Variants in MICU1 observed in about 807,000 individuals in gnomAD.
MICU1 encodes mitochondrial calcium uptake 1.
MICU1 carries 45 observed loss-of-function variants against 56.8 expected under a neutral mutation model. The ratio of observed to expected loss-of-function variants is 0.79; its 90% CI spans 0.62 to 1.02. MICU1 has a LOEUF of 1.02. MICU1 is among the 50% of genes least tolerant of loss of function. MICU1 has a pLI of 0.00. For synonymous variants in MICU1, 186 were observed against 195.1 expected (o/e 0.95, Z 0.39); for missense variants, 504 against 587.1 (o/e 0.86, Z 1.46).
intron 10 of MICU1, among the ~76,000 whole-genome samples, chr10:72,377,649 T>C (rs1056639071): frequency 4.6e-5 from 7 of 152,142 alleles, no homozygotes; most frequent in Non-Finnish European, 7.4e-5. Flanking sequence ...GCTACACCTA[T>C]AAATCATGTT....
intron 4 of MICU1, among the ~76,000 whole-genome samples, chr10:72,550,344 A>C (rs1443006619): frequency 6.6e-6 from 1 of 152,252 alleles, no homozygotes; most frequent in Non-Finnish European, 1.5e-5. Flanking sequence ...GCTATACTAT[A>C]TAGTCTAGAT....
rs377234560 is a variant in MICU1, at chr10:72,551,304, G to A, written c.368C>T (p.Thr123Met). 6.2e-6 allele frequency: 10 copies of A among 1,612,838 alleles called. No homozygotes were observed. The African/African-American group carries it at 6.7e-5, about 11-fold the overall frequency. ...AAAATATCGGAAGATTTTGTCTGGC[G>A]TGGAGTAGGCTCGAATCCTATTCTC... ...EYENRIRAYS[T>M]PDKIFRYFAT... The change falls in exon 4 of 12, where the codon ACG (threonine) becomes ATG (methionine). Residue 123 changes from threonine to methionine, a missense_variant. Transcript: ENST00000361114.
chr10:72,597,425 C>CG (rs1841409956), intron 1 of MICU1, among the ~76,000 whole-genome samples: 1 of 152,116 alleles, frequency 6.6e-6, no homozygotes, highest in African/African-American at 2.4e-5. Flanking sequence ...AGACTTAAGA[C>CG]ATTCTTGGGC....
intron 1 of MICU1, among the ~76,000 whole-genome samples, chr10:72,581,731 C>T (rs1449280258): frequency 1.3e-5 from 2 of 152,130 alleles, no homozygotes; most frequent in Non-Finnish European, 2.9e-5. Context: ...CTACTACCAG[C>T]CACCCATTGA....
Position 72,619,536 on chromosome 10 carries a change from G to A in MICU1, c.-2+6474C>T, listed in dbSNP as rs114862286. ...TCTGAGCTTACATATTTGTGACAAA[G>A]ACTCTGTTATGTACTCAGGATATGA... On this transcript the variant is annotated intron_variant, in intron 1 of 11. Coordinates refer to ENST00000361114, the MANE Select transcript of MICU1 (RefSeq NM_001195518.2). Among the ~76,000 whole-genome samples, 667 of 152,224 alleles carry A rather than the reference G, an allele frequency of 4.4e-3. 4 individuals are homozygous for A. Among genetic ancestry groups the A allele is most frequent in the African/African-American group, 0.015 (633 of 41,540 alleles).
At chr10:72,413,454 C>T (rs896889957) in intron 9 of MICU1, among the ~76,000 whole-genome samples, 11 of 151,872 alleles carry the variant, frequency 7.2e-5, no homozygotes, top group African/African-American at 1.2e-4. Context: ...GAATCCAGGT[C>T]GGGCGCAGTG....
chr10:72,512,060 A>ACAAGTT (rs1320517143), intron 5 of MICU1, among the ~76,000 whole-genome samples: 2 of 149,180 alleles, frequency 1.3e-5, no homozygotes, highest in East Asian at 4.0e-4. Flanking sequence ...AATGAAGTCC[A>ACAAGTT]CAAGTTCATC....
At chr10:72,584,558 C>CTTT (rs61492943) in intron 1 of MICU1, among the ~76,000 whole-genome samples, 16 of 149,204 alleles carry the variant, frequency 1.1e-4, no homozygotes, top group African/African-American at 3.7e-4. Context: ...TTAATACATA[C>CTTT]TTTTTTTTTT....
At chr10:72,463,355 G>A (rs1410867039) in intron 8 of MICU1, among the ~76,000 whole-genome samples, 2 of 152,146 alleles carry the variant, frequency 1.3e-5, no homozygotes, top group Non-Finnish European at 2.9e-5. Flanking sequence ...GAGCCATGGC[G>A]CCCGGCCGCA....
chr10:72,434,492 T>C (rs561411753), intron 8 of MICU1, among the ~76,000 whole-genome samples: 1 of 152,268 alleles, frequency 6.6e-6, no homozygotes, highest in Non-Finnish European at 1.5e-5. Context: ...GAAGATCTTA[T>C]ATCCAATTTC....
At chr10:72,560,511 T>C (rs1840269868) in intron 3 of MICU1, 1 of 152,128 alleles carries the variant, frequency 6.6e-6, no homozygotes, top group Non-Finnish European at 1.5e-5. Flanking sequence ...TTTTAAGAGG[T>C]GCAATCTCTG....
At chr10:72,577,369 C>T (rs940898731) in intron 1 of MICU1, among the ~76,000 whole-genome samples, 1 of 151,954 alleles carries the variant, frequency 6.6e-6, no homozygotes, top group Non-Finnish European at 1.5e-5. Flanking sequence ...ATTAGCCAGG[C>T]ATGGTGGCAC....
chr10:72,457,149 G>A (rs1302441925), intron 8 of MICU1, among the ~76,000 whole-genome samples: 1 of 151,642 alleles, frequency 6.6e-6, no homozygotes, highest in Non-Finnish European at 1.5e-5. Flanking sequence ...TGCAATAATA[G>A]GTTGCTAATA....
At chr10:72,574,048 C>G (rs1442142132) in intron 1 of MICU1, among the ~76,000 whole-genome samples, 2 of 152,126 alleles carry the variant, frequency 1.3e-5, no homozygotes, top group Non-Finnish European at 2.9e-5. Flanking sequence ...CCCCTGACAA[C>G]TGCACATTTA....
At chr10:72,564,298 C>G (rs1040131325) in intron 2 of MICU1, among the ~76,000 whole-genome samples, 1 of 152,008 alleles carries the variant, frequency 6.6e-6, no homozygotes. Context: ...CCCAGCACTT[C>G]GGGAGGCCGA....
At chr10:72,552,670 T>C (rs1367917563) in intron 3 of MICU1, among the ~76,000 whole-genome samples, 2 of 152,130 alleles carry the variant, frequency 1.3e-5, no homozygotes, top group Non-Finnish European at 2.9e-5. Flanking sequence ...TTCTCCTGCC[T>C]CAGCCTCCCA....
At chr10:72,491,119 A>T (rs1866641514) in intron 6 of MICU1, among the ~76,000 whole-genome samples, 1 of 152,234 alleles carries the variant, frequency 6.6e-6, no homozygotes, top group African/African-American at 2.4e-5. Flanking sequence ...CTGTGAGACC[A>T]ATGTGGTCAA....
At chr10:72,441,111 C>T (rs1218496399) in intron 8 of MICU1, among the ~76,000 whole-genome samples, 8 of 152,158 alleles carry the variant, frequency 5.3e-5, no homozygotes, top group East Asian at 3.9e-4. Context: ...GTATGTTTAT[C>T]GCGGCACTAC....
At chr10:72,573,977 T>C (rs1488157505) in intron 1 of MICU1, among the ~76,000 whole-genome samples, 1 of 152,178 alleles carries the variant, frequency 6.6e-6, no homozygotes, top group Non-Finnish European at 1.5e-5. Flanking sequence ...ACCATATCCT[T>C]ATCCTGACTT....
Sources: allele counts gnomAD v4.1 joint callset (sites outside exome capture counted in the v4.1 genomes callset), GRCh38; gene constraint gnomAD v4.1.1; transcripts MANE v1.5; gene names NCBI Gene and HGNC (gene_info 2026-07-23, HGNC 2026-07-21).